VWC2: variants seen among roughly 807,000 people sequenced by gnomAD.
VWC2 encodes the protein von Willebrand factor C domain containing 2, also known as brorin.
Under a neutral mutation model 29.8 loss-of-function variants are expected in VWC2, and 14 were observed. The ratio of observed to expected loss-of-function variants is 0.47; its 90% confidence interval spans 0.31 to 0.74. The LOEUF (loss-of-function observed/expected upper bound fraction) is 0.74. Among genes scored for constraint, VWC2 ranks in the 30% least tolerant of loss-of-function variants. The probability of loss-of-function intolerance (pLI) is 0.05; values close to 1 mark genes in which losing one functional copy is unlikely to be tolerated. For synonymous variants in VWC2, 213 were observed against 199.0 expected (o/e 1.07, Z -0.59); for missense variants, 457 against 459.8 (o/e 0.99, Z 0.05).
intron 2 of VWC2, among the ~76,000 whole-genome samples, chr7:49,798,583 A>G (rs1788654577): frequency 6.6e-6 from 1 of 152,158 alleles, no homozygotes; most frequent in Non-Finnish European, 1.5e-5. Context: ...TGGGGCACCA[A>G]ACAGAGCCCT....
At position 49,868,213 on chromosome 7, in the gene VWC2, G is replaced by A. The variant is rs142807802; in HGVS notation, c.827-43821G>A. On this transcript the variant is annotated intron_variant, in intron 3 of 3. Coordinates refer to ENST00000340652, the MANE Select transcript of VWC2 (RefSeq NM_198570.5). ...ACAGTGACTGTATTTTGGTGTTTTT[G>A]TGTAACATTAATAGATGCTGTTTCC... is the stretch of plus-strand genomic sequence containing the variant. 1.5e-3 allele frequency among the ~76,000 whole-genome samples: 236 copies of A among 152,294 alleles called. 3 individuals are homozygous for A. Among genetic ancestry groups the A allele is most frequent in the African/African-American group, 5.4e-3 (226 of 41,560 alleles).
intron 2 of VWC2, among the ~76,000 whole-genome samples, chr7:49,782,070 T>G (rs1333354241): frequency 6.6e-6 from 1 of 152,194 alleles, no homozygotes; most frequent in Non-Finnish European, 1.5e-5. Flanking sequence ...AAACATTTGT[T>G]TACTAGTGCC....
At chr7:49,871,762 T>A (rs1390403511) in intron 3 of VWC2, among the ~76,000 whole-genome samples, 1 of 151,854 alleles carries the variant, frequency 6.6e-6, no homozygotes, top group East Asian at 1.9e-4. Context: ...GTTTTAAAAA[T>A]ATTGTCCTTG....
chr7:49,874,137 T>A (rs1425763970), intron 3 of VWC2, among the ~76,000 whole-genome samples: 1 of 152,100 alleles, frequency 6.6e-6, no homozygotes, highest in Non-Finnish European at 1.5e-5. Context: ...CTATGTGTTG[T>A]AGCCAAGGTT....
intron 2 of VWC2, among the ~76,000 whole-genome samples, chr7:49,777,571 A>ATT (rs1788079374): frequency 2.6e-5 from 4 of 152,174 alleles, no homozygotes; most frequent in Non-Finnish European, 5.9e-5. Context: ...ATGTAGCAAA[A>ATT]TATAACTCCA....
chr7:49,803,113 A>G (rs557753551), intron 3 of VWC2, among the ~76,000 whole-genome samples: 1 of 152,304 alleles, frequency 6.6e-6, no homozygotes, highest in Non-Finnish European at 1.5e-5. Context: ...ACTTATTTTA[A>G]TTTAACTTTG....
chr7:49,881,461 C>CCCT (rs2128727242), intron 3 of VWC2, among the ~76,000 whole-genome samples: 1 of 152,272 alleles, frequency 6.6e-6, no homozygotes, highest in Admixed American at 6.5e-5. Context: ...TTGTGCCTAA[C>CCCT]CCTACCTCAC....
intron 3 of VWC2, among the ~76,000 whole-genome samples, chr7:49,906,806 G>A (rs2128740035): frequency 6.7e-6 from 1 of 150,340 alleles, no homozygotes; most frequent in East Asian, 2.1e-4. Context: ...CTGCCTCTAG[G>A]ATTGTGTGTT....
intron 3 of VWC2, among the ~76,000 whole-genome samples, chr7:49,871,668 T>A (rs1289374384): frequency 6.6e-6 from 1 of 152,000 alleles, no homozygotes; most frequent in African/African-American, 2.4e-5. Context: ...AGAAACATAC[T>A]AGGATGATAC....
At position 49,916,101 on chromosome 7, in the gene VWC2, A is replaced by T. The variant is rs1197714018; in HGVS notation, c.*3916A>T. On this transcript the variant is annotated 3_prime_UTR_variant, in exon 4 of 4. Transcript: ENST00000340652. ...TTCTCATTGCTCCGTAGCACAGATT[A>T]AACAGCCTACTTATGTCATATCCTC... 6.6e-6 allele frequency: 1 copy of T among 152,242 alleles called. No individual in the cohort carries two copies. The highest frequency in any genetic ancestry group is 1.5e-5 in the Non-Finnish European group (1 of 68,042). The allele number at this position is 152,242 out of a possible 1,614,324, so 9.4% of individuals were successfully genotyped here.
At chr7:49,837,447 T>C (rs565007352) in intron 3 of VWC2, among the ~76,000 whole-genome samples, 1 of 152,328 alleles carries the variant, frequency 6.6e-6, no homozygotes, top group South Asian at 2.1e-4. Flanking sequence ...TGAAGGACTT[T>C]TGGGTCCCCC....
intron 2 of VWC2, among the ~76,000 whole-genome samples, chr7:49,788,682 G>A (rs528682124): frequency 2.9e-3 from 282 of 98,246 alleles, no homozygotes; most frequent in African/African-American, 0.02. Context: ...TGTGAGTGTG[G>A]GTGTGTGAGG....
At chr7:49,784,146 T>C (rs1788243781) in intron 2 of VWC2, among the ~76,000 whole-genome samples, 1 of 152,238 alleles carries the variant, frequency 6.6e-6, no homozygotes, top group Non-Finnish European at 1.5e-5. Context: ...GGGTACTGTG[T>C]AATTTTATTA....
chr7:49,788,742 GTGTGGA>G (rs1191775068), intron 2 of VWC2, among the ~76,000 whole-genome samples: 1 of 149,402 alleles, frequency 6.7e-6, no homozygotes, highest in Non-Finnish European at 1.5e-5. Flanking sequence ...GTGGATGTGT[GTGTGGA>G]TGTGGGTGTG....
At position 49,920,500 on chromosome 7, in the gene VWC2, G is replaced by C. The variant is rs1793970172; in HGVS notation, c.*8315G>C. ...CAAAAGACAAGAGAAGCACTGCATT[G>C]TTGGCAAGAAATTCCTTTTAAGTCA... On this transcript the variant is annotated 3_prime_UTR_variant, in exon 4 of 4. Transcript: ENST00000340652. The C allele has an allele frequency of 6.6e-6, 1 of 152,150 alleles. No homozygotes were observed. The allele number at this position is 152,150 out of a possible 1,614,324, so 9.4% of individuals were successfully genotyped here.
chr7:49,810,210 T>A (rs1350614866), intron 3 of VWC2, among the ~76,000 whole-genome samples: 1 of 151,916 alleles, frequency 6.6e-6, no homozygotes, highest in Non-Finnish European at 1.5e-5. Flanking sequence ...CTAATAAAGA[T>A]TAATACCAGA....
intron 2 of VWC2, among the ~76,000 whole-genome samples, chr7:49,800,464 G>A (rs117418213): frequency 0.014 from 2,176 of 152,212 alleles, 28 homozygotes; most frequent in Non-Finnish European, 0.023. Flanking sequence ...TAGATGCCAC[G>A]TTGTGCTGCT....
At chr7:49,877,477 AAAAAATATATATATAT>A (rs1316093955) in intron 3 of VWC2, among the ~76,000 whole-genome samples, 3 of 17,306 alleles carry the variant, frequency 1.7e-4, no homozygotes, top group African/African-American at 8.1e-4. Context: ...AAAAAAAAAA[AAAAAATATATATATAT>A]ATATATATAT....
At chr7:49,909,322 G>A (rs555900748) in intron 3 of VWC2, among the ~76,000 whole-genome samples, 7 of 150,768 alleles carry the variant, frequency 4.6e-5, no homozygotes, top group Non-Finnish European at 1.0e-4. Flanking sequence ...AAAAAAAGAT[G>A]ATACAGAAAA....
Sources: gnomAD v4.1 joint callset for allele counts (sites outside exome capture counted in the v4.1 genomes callset) on GRCh38, gnomAD v4.1.1 for gene constraint, MANE v1.5 for transcripts, NCBI Gene and HGNC (gene_info 2026-07-23, HGNC 2026-07-21) for gene names.